The following PCDHGA9 variants were observed in gnomAD, a reference collection of about 807,000 sequenced individuals.
PCDHGA9 encodes the protein protocadherin gamma-A9.
Under a neutral mutation model 62.5 loss-of-function variants are expected in PCDHGA9, and 37 were observed. The ratio of observed to expected loss-of-function variants is 0.59; its 90% CI spans 0.46 to 0.78. The LOEUF (loss-of-function observed/expected upper bound fraction) is 0.78, where lower values mean the gene tolerates loss of function less well. PCDHGA9 is among the 30% of genes least tolerant of loss of function. The pLI is 0.00. For synonymous variants in PCDHGA9, 459 were observed against 484.6 expected (o/e 0.95, Z 0.69); for missense variants, 1,138 against 1,166.2 (o/e 0.98, Z 0.35).
rs961891623 is a variant in PCDHGA9 at position 141,487,938 on chromosome 5, GC to G, written c.2425-6868del. The G allele has an allele frequency of 2.8e-5, 17 of 600,188 alleles. No homozygotes were observed. The highest frequency in any genetic ancestry group is 4.7e-5 in the Non-Finnish European group (16 of 342,978). 37.2% of individuals were successfully genotyped at this position (600,188 alleles called of 1,614,324 possible). ...GAGGCTACAGTGCACAGGGTACAGTGCACCAGGCAGTCACTTGGACAAAGGT... is the reference window on the plus strand; with the variant it reads ...GAGGCTACAGTGCACAGGGTACAGTGACCAGGCAGTCACTTGGACAAAGGT... On this transcript the variant is annotated intron_variant, in intron 1 of 3. Coordinates refer to ENST00000573521, the MANE Select transcript of PCDHGA9 (RefSeq NM_018921.3). The surrounding 1 kb of genome is among the most constrained non-coding windows in gnomAD (Gnocchi z 5.0).
Position 141,489,407 on chromosome 5 carries a change from T to C in PCDHGA9, c.2425-5400T>C. On this transcript the variant is annotated intron_variant, in intron 1 of 3. Transcript: ENST00000573521. This position sits in a 1 kb window ranked among gnomAD's most constrained non-coding sequence, Gnocchi z 4.5. ...GTTGCTCAGGATCTGGGCTTAAAGA[T>C]GACAGATCTGTTGAGCCGGCGGCTG... 6.2e-7 allele frequency: 1 copy of C among 1,614,140 alleles called. No individual in the cohort carries two copies.
Position 141,432,097 on chromosome 5 carries a change from C to T in PCDHGA9, c.2424+26721C>T, listed in dbSNP as rs1428283489. The stretch of plus-strand genomic sequence containing the variant: ...TCTCGCTGAACGTGGCAGACACCAA[C>T]GACAACCCGCCGGTCTTCCCTCAGG... On this transcript the variant is annotated intron_variant, in intron 1 of 3. Transcript: ENST00000573521. This position sits in a 1 kb window ranked among gnomAD's most constrained non-coding sequence, Gnocchi z 6.0. 6 of 1,614,066 alleles carry T rather than the reference C, an allele frequency of 3.7e-6. No individual in the cohort carries two copies. The highest frequency in any genetic ancestry group is 2.7e-5 in the African/African-American group (2 of 74,920).
At chr5:141,415,859 T>C in intron 1 of PCDHGA9, 1 of 1,187,664 alleles carries the variant, frequency 8.4e-7, no homozygotes, top group Non-Finnish European at 1.1e-6. Context: ...CCTTGTAGTT[T>C]ATAGTGTTGT....
At chr5:141,455,860 A>ATTAT (rs145569377) in intron 1 of PCDHGA9, among the ~76,000 whole-genome samples, 7,190 of 139,786 alleles carry the variant, frequency 0.051, 228 homozygotes, top group South Asian at 0.064. Context: ...AATTTCTTTT[A>ATTAT]TTATTTATTT....
intron 2 of PCDHGA9, among the ~76,000 whole-genome samples, chr5:141,501,771 G>A (rs957546749): frequency 7.2e-5 from 11 of 152,118 alleles, no homozygotes; most frequent in African/African-American, 2.7e-4. Context: ...GGTTAAAAAA[G>A]AGGTCTCTCT....
intron 1 of PCDHGA9, among the ~76,000 whole-genome samples, chr5:141,433,482 C>T (rs935076625): frequency 3.3e-5 from 5 of 152,110 alleles, no homozygotes; most frequent in African/African-American, 9.6e-5. Flanking sequence ...TAGCCTCCTG[C>T]TTCTCCCTCC....
Position 141,489,772 on chromosome 5 carries a change from T to C in PCDHGA9, c.2425-5035T>C, listed in dbSNP as rs1327700197. 6.2e-7 allele frequency: 1 copy of C among 1,614,154 alleles called. No individual in the cohort carries two copies. The highest frequency in any genetic ancestry group is 8.5e-7 in the Non-Finnish European group (1 of 1,179,994). ...TTACACTCTAAGCCCCAACAGCCAC[T>C]TCTCTCTGAATGTGAAGACCCTAAA... On this transcript the variant is annotated intron_variant, in intron 1 of 3. Coordinates refer to ENST00000573521, the MANE Select transcript of PCDHGA9 (RefSeq NM_018921.3). This position sits in a 1 kb window ranked among gnomAD's most constrained non-coding sequence, Gnocchi z 4.5.
At chr5:141,502,406 T>G (rs1390520101) in intron 2 of PCDHGA9, among the ~76,000 whole-genome samples, 1 of 152,072 alleles carries the variant, frequency 6.6e-6, no homozygotes, top group African/African-American at 2.4e-5. Context: ...TCCCCGAACC[T>G]GGATTTGCTG....
Position 141,421,488 on chromosome 5 carries a change from G to A in PCDHGA9, c.2424+16112G>A. On this transcript the variant is annotated intron_variant, in intron 1 of 3. Transcript: ENST00000573521. ...ATCCGCGAAGCGGCAGCTTGATCAC[G>A]GCAGGCAGGATAGACCGGGAGGAGC... The A allele has an allele frequency of 1.9e-6, 3 of 1,614,100 alleles. No homozygotes were observed. In the South Asian group the frequency reaches 3.3e-5, roughly 18 times the overall value.
Position 141,511,225 on chromosome 5 carries a change from C to T in PCDHGA9, c.*52C>T, listed in dbSNP as rs2099883678. On this transcript the variant is annotated 3_prime_UTR_variant, in exon 4 of 4. Transcript: ENST00000573521. Reference sequence around the variant, plus strand: ...GGCGGCCTCTCCCCAACCAGCCCAGCTTCTCCTTACCTGCACCCAGGCCTC... The same window carrying T: ...GGCGGCCTCTCCCCAACCAGCCCAGTTTCTCCTTACCTGCACCCAGGCCTC... 1.9e-6 allele frequency: 3 copies of T among 1,601,506 alleles called. No individual in the cohort carries two copies. Among genetic ancestry groups the T allele is most frequent in the Non-Finnish European group, 2.6e-6 (3 of 1,174,170 alleles).
chr5:141,510,428 G>A (rs1254357998), intron 3 of PCDHGA9, among the ~76,000 whole-genome samples: 2 of 152,092 alleles, frequency 1.3e-5, no homozygotes, highest in African/African-American at 4.8e-5. Flanking sequence ...TGGTTTCATG[G>A]CTGCTGCCCT....
intron 1 of PCDHGA9, chr5:141,415,325 C>T (rs1046074461): frequency 2.2e-5 from 35 of 1,614,212 alleles, no homozygotes; most frequent in East Asian, 6.7e-5. Context: ...GTGCTGCTGG[C>T]GCACAGGCTG....
intron 1 of PCDHGA9, chr5:141,478,453 C>T: frequency 6.2e-7 from 1 of 1,613,594 alleles, no homozygotes; most frequent in Non-Finnish European, 8.5e-7. Context: ...CTGGTGCAGC[C>T]AGTCCACTGG....
At chr5:141,484,362 A>T (rs1460176695) in intron 1 of PCDHGA9, among the ~76,000 whole-genome samples, 1 of 152,196 alleles carries the variant, frequency 6.6e-6, no homozygotes, top group Non-Finnish European at 1.5e-5. Context: ...TATCTAGTGT[A>T]TCACTAGCAA....
chr5:141,403,757 C>G lies in PCDHGA9; in HGVS notation c.805C>G (p.Leu269Val), dbSNP rs1326659106. Residue 269 changes from leucine to valine, a missense_variant, in exon 1 of 4, where the codon CTG (leucine) becomes GTG (valine). Transcript: ENST00000573521. Reference sequence around the variant, plus strand: ...GCTGCTTACTGCAACAGCCAGCGACCTGGATGAGGGAATCAACGGAAAAGT... The same window carrying G: ...GCTGCTTACTGCAACAGCCAGCGACGTGGATGAGGGAATCAACGGAAAAGT... ...TWLLTATASD[L>V]DEGINGKVAY... 6.2e-7 allele frequency: 1 copy of G among 1,613,766 alleles called. No homozygotes were observed. The highest frequency in any genetic ancestry group is 8.5e-7 in the Non-Finnish European group (1 of 1,179,906).
At position 141,410,026 on chromosome 5, in the gene PCDHGA9, G is replaced by A. The variant is rs571122351; in HGVS notation, c.2424+4650G>A. 37 of 1,613,302 alleles carry A rather than the reference G, an allele frequency of 2.3e-5. 2 individuals carry two copies. The East Asian group carries it at 8.0e-4, about 35-fold the overall frequency. On this transcript the variant is annotated intron_variant, in intron 1 of 3. Coordinates refer to ENST00000573521, the MANE Select transcript of PCDHGA9 (RefSeq NM_018921.3). ...ACAACGCCTGGCTGTCCTACCACGTGCTGCAGGCCAGTGAGCCCGGACTCT... is the reference window on the plus strand; with the variant it reads ...ACAACGCCTGGCTGTCCTACCACGTACTGCAGGCCAGTGAGCCCGGACTCT...
intron 1 of PCDHGA9, 29 bp downstream of exon 1, chr5:141,405,405 T>C (rs765108115): frequency 1.4e-5 from 22 of 1,588,008 alleles, no homozygotes; most frequent in Non-Finnish European, 1.9e-5. Context: ...TTTCTTTCTT[T>C]TCTTTTTTTG....
At position 141,402,790 on chromosome 5, in the gene PCDHGA9, A is replaced by T; in HGVS notation, c.-163A>T. The T allele has an allele frequency of 2.1e-6, 2 of 961,358 alleles. No homozygotes were observed. The highest frequency in any genetic ancestry group is 2.9e-6 in the Non-Finnish European group (2 of 680,528). 59.6% of individuals were successfully genotyped at this position (961,358 alleles called of 1,614,324 possible). A position where few individuals can be genotyped will look rare whatever the true frequency, so the allele number is the denominator to read the frequency against. ...CATCCGGATTTCCAGTTCTGCGGCT[A>T]CACAAAACCCGGCAGATACCACAAA... On this transcript the variant is annotated 5_prime_UTR_variant, in exon 1 of 4. Transcript: ENST00000573521.
At chr5:141,454,426 GAC>G (rs746508144) in intron 1 of PCDHGA9, among the ~76,000 whole-genome samples, 3 of 152,168 alleles carry the variant, frequency 2.0e-5, no homozygotes, top group Non-Finnish European at 2.9e-5. Context: ...TTTATTTAGA[GAC>G]AGAGTTTCAC....
Sources: allele counts gnomAD v4.1 joint callset (sites outside exome capture counted in the v4.1 genomes callset), GRCh38; gene constraint gnomAD v4.1.1; non-coding constraint Gnocchi (gnomAD v3.1); transcripts MANE v1.5; gene names NCBI Gene and HGNC (gene_info 2026-07-23, HGNC 2026-07-21).